SLC3A1: variants seen among roughly 807,000 people sequenced by gnomAD.
SLC3A1 encodes amino acid transporter heavy chain SLC3A1.
SLC3A1 carries 78 observed loss-of-function variants against 60.3 expected under a neutral mutation model. The observed-to-expected ratio is 1.29, with a 90% CI of 1.08 to 1.56. The LOEUF (loss-of-function observed/expected upper bound fraction) is 1.56, where lower values mean the gene tolerates loss of function less well. Among genes scored for constraint, SLC3A1 ranks in the 40% most tolerant of loss-of-function variants. The pLI, the probability that SLC3A1 is intolerant of heterozygous loss-of-function variation, is 0.00. For missense variants in SLC3A1, 1,172 were observed against 858.9 expected (o/e 1.36, Z -4.56); for synonymous variants, 392 against 307.9 (o/e 1.27, Z -2.86).
chr2:44,289,627 CTATT>C (rs149396707), intron 4 of SLC3A1, among the ~76,000 whole-genome samples: 3,025 of 150,960 alleles, frequency 0.02, 115 homozygotes, highest in African/African-American at 0.07. Context: ...TGATGATGTC[CTATT>C]TATTTATTTG....
Position 44,304,255 on chromosome 2 carries a change from GACACT to G in SLC3A1, c.1250_1254del (p.Asp417GlyfsTer8). 1 of 1,614,118 alleles carries G rather than the reference GACACT, an allele frequency of 6.2e-7. No individual in the cohort carries two copies. The highest frequency in any genetic ancestry group is 8.5e-7 in the Non-Finnish European group (1 of 1,179,962). On this transcript the variant is annotated frameshift_variant, in exon 7 of 10. Coordinates refer to ENST00000260649, the MANE Select transcript of SLC3A1 (RefSeq NM_000341.4). LOFTEE classifies it high-confidence loss of function. The stretch of plus-strand genomic sequence containing the variant: ...CTTCAACAATTACCTCAGCATGCTA[GACACT>G]GTTTCTGGGAACAGCGTGTATGAGG...
Position 44,313,960 on chromosome 2 carries a change from C to G in SLC3A1, c.1617+9C>G, listed in dbSNP as rs765888081. ...ACACTGTGAATGTTGATGTAAGTAT[C>G]AGTGAAAATTTTATGTTGATTCTAG... On this transcript the variant is annotated intron_variant, in intron 9 of 9. Transcript: ENST00000260649. 6.2e-7 allele frequency: 1 copy of G among 1,613,970 alleles called. No homozygotes were observed. Among genetic ancestry groups the G allele is most frequent in the South Asian group, 1.1e-5 (1 of 91,068 alleles).
chr2:44,281,040 C>T (rs574905566), intron 2 of SLC3A1, 145 bp downstream of exon 2: 34 of 718,548 alleles, frequency 4.7e-5, no homozygotes, highest in African/African-American at 1.9e-4. Context: ...CTTTCCTTCC[C>T]GCTTTCTCTT....
At chr2:44,319,387 TGGG>T (rs933046422) in intron 9 of SLC3A1, 1 of 152,390 alleles carries the variant, frequency 6.6e-6, no homozygotes, top group African/African-American at 2.4e-5. Flanking sequence ...AATACAAAAA[TGGG>T]GGGAGGGGAA....
intron 7 of SLC3A1, among the ~76,000 whole-genome samples, chr2:44,305,339 C>T (rs920517687): frequency 1.3e-5 from 2 of 151,916 alleles, no homozygotes; most frequent in Admixed American, 1.3e-4. Flanking sequence ...AGATGTAAGC[C>T]CTGCTGCTTC....
intron 4 of SLC3A1, 71 bp from the exon 5 acceptor site, chr2:44,299,900 C>T: frequency 6.5e-7 from 1 of 1,535,872 alleles, no homozygotes; most frequent in Non-Finnish European, 9.0e-7. Context: ...TGTTAACAGT[C>T]AAAACTTTGA....
Position 44,320,791 on chromosome 2 carries a change from ATGTTTTG to A in SLC3A1, c.*153_*159del. 2.9e-6 allele frequency: 2 copies of A among 690,212 alleles called. No individual in the cohort carries two copies. Among genetic ancestry groups the A allele is most frequent in the Admixed American group, 5.1e-5 (2 of 38,852 alleles). 42.8% of individuals were successfully genotyped at this position (690,212 alleles called of 1,614,324 possible). A position where few individuals can be genotyped will look rare whatever the true frequency, so the allele number is the denominator to read the frequency against. On this transcript the variant is annotated 3_prime_UTR_variant, in exon 10 of 10. Coordinates refer to ENST00000260649, the MANE Select transcript of SLC3A1 (RefSeq NM_000341.4). ...TAACTGCTTTAAGAAAGGTTCTCAA[ATGTTTTG>A]AAAAAAATAAAATGTTTAAAAGTAA... is the stretch of plus-strand genomic sequence containing the variant.
chr2:44,310,692 AT>A lies in SLC3A1; in HGVS notation c.1333-1884del, dbSNP rs34284291. On this transcript the variant is annotated intron_variant, in intron 7 of 9. Transcript: ENST00000260649. The stretch of plus-strand genomic sequence containing the variant: ...AATCAAATTTGGGAAGTTGTTGGCT[AT>A]TTTTTTTTTAAATATTGTTTCTGAC... Among the ~76,000 whole-genome samples the A allele has an allele frequency of 1.6e-4, 23 of 148,162 alleles. No homozygotes were observed. In the South Asian group the frequency reaches 2.3e-3, roughly 15 times the overall value.
At chr2:44,298,529 C>T (rs1251728796) in intron 4 of SLC3A1, among the ~76,000 whole-genome samples, 1 of 152,202 alleles carries the variant, frequency 6.6e-6, no homozygotes, top group Non-Finnish European at 1.5e-5. Flanking sequence ...AGGTGCATGG[C>T]TCCATGCCCA....
At chr2:44,278,923 C>T (rs970642469) in intron 1 of SLC3A1, among the ~76,000 whole-genome samples, 4 of 152,118 alleles carry the variant, frequency 2.6e-5, no homozygotes, top group Non-Finnish European at 4.4e-5. Context: ...GGTTGCACTC[C>T]TTCTCAGACC....
chr2:44,310,192 C>G (rs1672258818), intron 7 of SLC3A1, among the ~76,000 whole-genome samples: 1 of 152,192 alleles, frequency 6.6e-6, no homozygotes, highest in African/African-American at 2.4e-5. Flanking sequence ...TGTGCCCAGC[C>G]TTGGATCATA....
intron 7 of SLC3A1, among the ~76,000 whole-genome samples, chr2:44,304,724 G>C (rs556945358): frequency 2.0e-5 from 3 of 152,154 alleles, no homozygotes; most frequent in African/African-American, 7.2e-5. Context: ...ACCAATTTGT[G>C]GGGCAGGATG....
At chr2:44,308,206 CTA>C (rs1349169398) in intron 7 of SLC3A1, among the ~76,000 whole-genome samples, 1 of 152,184 alleles carries the variant, frequency 6.6e-6, no homozygotes, top group Admixed American at 6.5e-5. Context: ...TTCTGTTCAT[CTA>C]TATGTCTGTC....
At chr2:44,310,730 C>CTT (rs1672274107) in intron 7 of SLC3A1, among the ~76,000 whole-genome samples, 1 of 151,114 alleles carries the variant, frequency 6.6e-6, no homozygotes, top group Non-Finnish European at 1.5e-5. Context: ...ATTTCTCTTC[C>CTT]TTCTCTCCTT....
chr2:44,276,793 C>G (rs983786004), intron 1 of SLC3A1, among the ~76,000 whole-genome samples: 38 of 152,198 alleles, frequency 2.5e-4, no homozygotes, highest in African/African-American at 8.7e-4. Context: ...ATATATTGCT[C>G]AAACCAGAAC....
intron 9 of SLC3A1, chr2:44,316,337 G>C (rs551418039): frequency 1.3e-5 from 2 of 152,114 alleles, no homozygotes; most frequent in Non-Finnish European, 2.9e-5. Context: ...TTCAAGAAGT[G>C]ATTAGATCTC....
downstream of SLC3A1, chr2:44,321,975 CCT>C (rs1355702019): frequency 1.4e-6 from 2 of 1,429,016 alleles, no homozygotes; most frequent in African/African-American, 2.9e-5. Flanking sequence ...CCATTCCTCC[CCT>C]CTTCTTTGAG....
intron 1 of SLC3A1, among the ~76,000 whole-genome samples, chr2:44,278,948 C>T (rs978432285): frequency 2.6e-5 from 4 of 152,018 alleles, no homozygotes; most frequent in African/African-American, 9.7e-5. Context: ...GCACTGACAA[C>T]ATTTATCACC....
At chr2:44,292,443 T>C (rs1336002239) in intron 4 of SLC3A1, among the ~76,000 whole-genome samples, 1 of 152,132 alleles carries the variant, frequency 6.6e-6, no homozygotes, top group Non-Finnish European at 1.5e-5. Flanking sequence ...ATGATAGGTA[T>C]TGTGTGTCTT....
Sources: allele counts gnomAD v4.1 joint callset (sites outside exome capture counted in the v4.1 genomes callset), GRCh38; gene constraint gnomAD v4.1.1; transcripts MANE v1.5; gene names NCBI Gene and HGNC (gene_info 2026-07-23, HGNC 2026-07-21).